The following ZNF710 variants were observed in gnomAD, a reference collection of about 807,000 sequenced individuals.
ZNF710 encodes zinc finger protein 710.
A neutral mutation model predicts 50.6 loss-of-function variants in ZNF710; 13 were observed. The observed-to-expected ratio is 0.26, with a 90% CI of 0.17 to 0.41. The LOEUF (loss-of-function observed/expected upper bound fraction) is 0.41, where lower values mean the gene tolerates loss of function less well. Among genes scored for constraint, ZNF710 ranks in the 10% least tolerant of loss-of-function variants. The pLI is 1.00. For missense variants in ZNF710, 721 were observed against 936.6 expected, an observed-to-expected ratio of 0.77 and a Z score of 3.01; for synonymous variants, 383 against 397.0, an observed-to-expected ratio of 0.96 and a Z score of 0.42.
At chr15:90,046,996 C>T (rs1899482770) in intron 1 of ZNF710, among the ~76,000 whole-genome samples, 1 of 152,220 alleles carries the variant, frequency 6.6e-6, no homozygotes, top group South Asian at 2.1e-4. Context: ...CCGGAAGCTG[C>T]CAGGGCAGGC....
intron 1 of ZNF710, among the ~76,000 whole-genome samples, chr15:90,011,010 A>G (rs1898288180): frequency 7.3e-6 from 1 of 136,546 alleles, no homozygotes; most frequent in Admixed American, 8.5e-5. Context: ...GGCTCACTGC[A>G]CCCTCTGCCT....
upstream of ZNF710, among the ~76,000 whole-genome samples, chr15:90,000,915 C>A (rs1897994375): frequency 6.6e-6 from 1 of 152,068 alleles, no homozygotes; most frequent in Non-Finnish European, 1.5e-5. Context: ...GGGCCGGGCC[C>A]CCCATTTCCA....
At chr15:90,010,700 T>C (rs538380035) in intron 1 of ZNF710, among the ~76,000 whole-genome samples, 5 of 152,298 alleles carry the variant, frequency 3.3e-5, no homozygotes, top group African/African-American at 4.8e-5. Context: ...ATTTTTTTCT[T>C]TCCTTCAGTC....
chr15:89,999,947 G>C (rs1188205670), upstream of ZNF710, among the ~76,000 whole-genome samples: 1 of 151,670 alleles, frequency 6.6e-6, no homozygotes, highest in Non-Finnish European at 1.5e-5. Context: ...AGAGGGAGGG[G>C]AGAGGATCCA....
At chr15:90,045,546 G>T (rs1384881956) in intron 1 of ZNF710, among the ~76,000 whole-genome samples, 1 of 152,154 alleles carries the variant, frequency 6.6e-6, no homozygotes, top group Non-Finnish European at 1.5e-5. Flanking sequence ...GATGCAGGAG[G>T]CCAGGGAGTG....
chr15:90,051,724 G>A (rs1899651845), intron 1 of ZNF710, among the ~76,000 whole-genome samples: 1 of 152,140 alleles, frequency 6.6e-6, no homozygotes, highest in Non-Finnish European at 1.5e-5. Context: ...TGGTAACCGT[G>A]GGTGAATCAC....
chr15:90,003,220 C>G (rs1293626265), intron 1 of ZNF710, among the ~76,000 whole-genome samples: 2 of 152,188 alleles, frequency 1.3e-5, no homozygotes, highest in African/African-American at 4.8e-5. Context: ...GAGGGACCAA[C>G]GTCATGGCCC....
intron 4 of ZNF710, chr15:90,075,188 C>G (rs1301840020): frequency 6.6e-6 from 1 of 152,488 alleles, no homozygotes; most frequent in Non-Finnish European, 1.5e-5. Flanking sequence ...AGGGAGCCAA[C>G]AGCGCTACAG....
Position 90,067,427 on chromosome 15 carries a change from G to A in ZNF710, c.290G>A (p.Arg97Gln), listed in dbSNP as rs1900210057. Residue 97 changes from arginine (R) to glutamine (Q), a missense_variant, in exon 2 of 5, where the codon CGG (arginine) becomes CAG (glutamine). By Grantham distance (43) the Arg-to-Gln change is conservative (BLOSUM62 1). Transcript: ENST00000268154. The surrounding 1 kb of genome is among the most constrained non-coding windows in gnomAD (Gnocchi z 8.1). Reference protein sequence around the residue: ...VEAACEKHTRRKTRPPVRLVP... With the variant: ...VEAACEKHTRQKTRPPVRLVP... ...GCAGCCTGTGAGAAGCACACCCGGC[G>A]GAAGACGCGGCCACCTGTGCGGTTG... 3.1e-6 allele frequency: 5 copies of A among 1,604,858 alleles called. No homozygotes were observed. Among genetic ancestry groups the A allele is most frequent in the South Asian group, 1.1e-5 (1 of 89,910 alleles).
intron 1 of ZNF710, among the ~76,000 whole-genome samples, chr15:90,063,024 T>G (rs1900059499): frequency 6.6e-6 from 1 of 152,032 alleles, no homozygotes; most frequent in African/African-American, 2.4e-5. Context: ...AGTGGCTCAA[T>G]GAAGACTTCT....
rs761165235 is a variant in ZNF710 at position 90,068,379 on chromosome 15, G to A, written c.1242G>A (p.Leu414=). ...GRCHVCVECG[L]DFSTLTQLKR... is the part of the protein sequence containing the mutation. The stretch of plus-strand genomic sequence containing the variant: ...GCCATGTCTGCGTCGAGTGCGGCCT[G>A]GACTTCTCCACCCTGACCCAGCTCA... Residue 414 remains leucine (L), a synonymous_variant, in exon 2 of 5, where the codon CTG becomes CTA. Transcript: ENST00000268154. This position sits in a 1 kb window ranked among gnomAD's most constrained non-coding sequence, Gnocchi z 5.0. 5 of 1,612,824 alleles carry A rather than the reference G, an allele frequency of 3.1e-6. No homozygotes were observed. Among genetic ancestry groups the A allele is most frequent in the Non-Finnish European group, 4.2e-6 (5 of 1,179,574 alleles).
In ZNF710 at chr15:90,062,930, G is replaced by T. The variant is rs1193223611; in HGVS notation, c.-28-4180G>T. On this transcript the variant is annotated intron_variant, in intron 1 of 4. Transcript: ENST00000268154. The surrounding 1 kb of genome is among the most constrained non-coding windows in gnomAD (Gnocchi z 5.6). ...TGCCCCCATAAGCCTCACAAAGAGA[G>T]CATTACAGGGTGGTGTGTGTTCTAC... is the stretch of plus-strand genomic sequence containing the variant. Among the ~76,000 whole-genome samples, 2 of 152,184 alleles carry T rather than the reference G, an allele frequency of 1.3e-5. No individual in the cohort carries two copies. Among genetic ancestry groups the T allele is most frequent in the African/African-American group, 2.4e-5 (1 of 41,460 alleles).
chr15:90,051,611 C>T (rs139576875), intron 1 of ZNF710, among the ~76,000 whole-genome samples: 3,802 of 152,110 alleles, frequency 0.025, 172 homozygotes, highest in African/African-American at 0.086. Context: ...CCAGCCTTGG[C>T]GACAGAGTGA....
At chr15:90,047,930 G>A (rs955589998) in intron 1 of ZNF710, among the ~76,000 whole-genome samples, 1 of 152,220 alleles carries the variant, frequency 6.6e-6, no homozygotes, top group Non-Finnish European at 1.5e-5. Context: ...CAGTCCCAGA[G>A]CTCGAGGGTC....
upstream of ZNF710, among the ~76,000 whole-genome samples, chr15:90,000,818 G>A (rs1221348560): frequency 2.0e-5 from 3 of 152,084 alleles, no homozygotes; most frequent in East Asian, 1.9e-4. Context: ...CCCAACACCC[G>A]CACCGGCTCT....
rs182478166 is a variant in ZNF710, at chr15:90,064,816, G to A, written c.-28-2294G>A. On this transcript the variant is annotated intron_variant, in intron 1 of 4. Coordinates refer to ENST00000268154, the MANE Select transcript of ZNF710 (RefSeq NM_198526.4). ...CAGTGATTCTTTACAGTTGGTTAGG[G>A]CCTTATAATGAACCAAGCTGCTTCA... Among the ~76,000 whole-genome samples, 10 of 152,258 alleles carry A rather than the reference G, an allele frequency of 6.6e-5. No homozygotes were observed. The East Asian group carries it at 1.9e-3, about 29-fold the overall frequency.
chr15:90,035,867 C>T (rs1899107489), intron 1 of ZNF710, among the ~76,000 whole-genome samples: 1 of 152,232 alleles, frequency 6.6e-6, no homozygotes, highest in South Asian at 2.1e-4. Context: ...TAAAGAACAG[C>T]AGAGCACGAA....
In ZNF710 at chr15:90,068,674, T is replaced by C; in HGVS notation, c.1458+79T>C. 6.8e-7 allele frequency: 1 copy of C among 1,472,736 alleles called. No individual in the cohort carries two copies. Among genetic ancestry groups the C allele is most frequent in the Non-Finnish European group, 9.1e-7 (1 of 1,101,926 alleles). 91.2% of individuals were successfully genotyped at this position (1,472,736 alleles called of 1,614,324 possible). On this transcript the variant is annotated intron_variant, in intron 2 of 4. Transcript: ENST00000268154. This position sits in a 1 kb window ranked among gnomAD's most constrained non-coding sequence, Gnocchi z 5.0. ...ATCCAGTACTTTCCAAAGTCCCAGA[T>C]GGGACCATTTAGGTGGTCTCCTAGT... is the stretch of plus-strand genomic sequence containing the variant.
At chr15:90,003,771 G>A (rs768172567) in intron 1 of ZNF710, among the ~76,000 whole-genome samples, 46 of 152,104 alleles carry the variant, frequency 3.0e-4, no homozygotes, top group Non-Finnish European at 5.6e-4. Flanking sequence ...CAGGGTAACT[G>A]TGCTGGGTAC....
Sources: gnomAD v4.1 joint callset for allele counts (sites outside exome capture counted in the v4.1 genomes callset) on GRCh38, gnomAD v4.1.1 for gene constraint, Gnocchi (gnomAD v3.1) non-coding constraint, MANE v1.5 for transcripts, NCBI Gene and HGNC (gene_info 2026-07-23, HGNC 2026-07-21) for gene names.